NPAS3: variants seen among roughly 807,000 people sequenced by gnomAD.
NPAS3 encodes neuronal PAS domain protein 3.
In NPAS3, 14 loss-of-function variants were observed where a neutral mutation model predicts 73.1. The ratio of observed to expected loss-of-function variants is 0.19; its 90% CI spans 0.13 to 0.30. NPAS3 has a LOEUF of 0.30. NPAS3 is among the 10% of genes least tolerant of loss of function. The pLI, the probability that NPAS3 is intolerant of heterozygous loss-of-function variation, is 1.00. For missense variants in NPAS3, 1,096 were observed against 1,250.0 expected, an observed-to-expected ratio of 0.88 and a Z score of 1.86; for synonymous variants, 620 against 541.5, an observed-to-expected ratio of 1.14 and a Z score of -2.01.
rs138394658 is a variant in NPAS3, at chr14:33,524,658, C to T, written c.469-35463C>T. Among the ~76,000 whole-genome samples, 67 of 152,268 alleles carry T rather than the reference C, an allele frequency of 4.4e-4. 1 individual carries two copies. The highest frequency in any genetic ancestry group is 1.5e-3 in the African/African-American group (63 of 41,564). On this transcript the variant is annotated intron_variant, in intron 4 of 11. Transcript: ENST00000356141. Reference sequence around the variant, plus strand: ...AAAGTATCACAAACTGGTTGGCTTACACAACAGAAATGTGTTGTCTCAGAA... The same window carrying T: ...AAAGTATCACAAACTGGTTGGCTTATACAACAGAAATGTGTTGTCTCAGAA...
chr14:33,766,249 T>G (rs143509614), intron 7 of NPAS3, among the ~76,000 whole-genome samples: 327 of 152,312 alleles, frequency 2.1e-3, no homozygotes, highest in Middle Eastern at 6.8e-3. Context: ...GGCCTTGACT[T>G]CTTTCCTTTT....
At chr14:33,573,021 C>CAAAAAA (rs1172844613) in intron 5 of NPAS3, among the ~76,000 whole-genome samples, 1 of 61,588 alleles carries the variant, frequency 1.6e-5, no homozygotes, top group African/African-American at 5.9e-5. Context: ...GACTTCTTCT[C>CAAAAAA]AAAAAAAAAA....
chr14:33,607,959 C>T lies in NPAS3; in HGVS notation c.558+47749C>T, dbSNP rs902891765. The stretch of plus-strand genomic sequence containing the variant: ...TATCATGGGAATAGCGTGGGGGAAG[C>T]TGCCCCCATGATTCAGTTACCTCCC... On this transcript the variant is annotated intron_variant, in intron 5 of 11. Transcript: ENST00000356141. Among the ~76,000 whole-genome samples, 3 of 152,244 alleles carry T rather than the reference C, an allele frequency of 2.0e-5. No homozygotes were observed. The East Asian group carries it at 5.8e-4, about 30-fold the overall frequency.
At chr14:33,274,375 T>A (rs538733762) in intron 3 of NPAS3, among the ~76,000 whole-genome samples, 1 of 152,320 alleles carries the variant, frequency 6.6e-6, no homozygotes, top group South Asian at 2.1e-4. Flanking sequence ...TCCGTGAACA[T>A]GCTCTTTTCC....
chr14:33,263,123 A>G (rs1045880228), intron 3 of NPAS3, among the ~76,000 whole-genome samples: 2 of 152,128 alleles, frequency 1.3e-5, no homozygotes, highest in Non-Finnish European at 2.9e-5. Context: ...CTTTACTTTA[A>G]TTAGATCCCA....
chr14:33,306,743 C>T (rs899487143), intron 3 of NPAS3, among the ~76,000 whole-genome samples: 1 of 152,154 alleles, frequency 6.6e-6, no homozygotes, highest in Admixed American at 6.6e-5. Flanking sequence ...GCCCTTACAT[C>T]TATTAGAGTT....
At chr14:33,443,144 A>G (rs2049328729) in intron 4 of NPAS3, among the ~76,000 whole-genome samples, 4 of 152,208 alleles carry the variant, frequency 2.6e-5, no homozygotes, top group South Asian at 4.1e-4. Flanking sequence ...TGCATTGTTC[A>G]TAGTTATTAC....
At chr14:33,510,159 T>G (rs2052976757) in intron 4 of NPAS3, among the ~76,000 whole-genome samples, 1 of 152,084 alleles carries the variant, frequency 6.6e-6, no homozygotes, top group East Asian at 1.9e-4. Flanking sequence ...AAAAGCAGTT[T>G]GTTCTCTGCT....
chr14:33,572,075 A>G (rs1053425523), intron 5 of NPAS3, among the ~76,000 whole-genome samples: 2 of 152,204 alleles, frequency 1.3e-5, no homozygotes, highest in Non-Finnish European at 2.9e-5. Flanking sequence ...CACATAGTCA[A>G]TTCATATTTA....
chr14:33,276,697 A>C (rs545539670), intron 3 of NPAS3, among the ~76,000 whole-genome samples: 1 of 152,128 alleles, frequency 6.6e-6, no homozygotes, highest in Non-Finnish European at 1.5e-5. Flanking sequence ...TGAGGATCAA[A>C]GATAATGAAC....
chr14:33,488,757 G>T (rs937674907), intron 4 of NPAS3, among the ~76,000 whole-genome samples: 1 of 152,158 alleles, frequency 6.6e-6, no homozygotes, highest in Non-Finnish European at 1.5e-5. Context: ...CGCTGGCACA[G>T]TTCTGGGTGT....
intron 6 of NPAS3, among the ~76,000 whole-genome samples, chr14:33,677,830 G>A (rs1206515339): frequency 6.6e-6 from 1 of 152,210 alleles, no homozygotes; most frequent in Non-Finnish European, 1.5e-5. Flanking sequence ...AGGTGGGCAA[G>A]TGATATATTC....
At chr14:33,292,285 A>G (rs777898432) in intron 3 of NPAS3, among the ~76,000 whole-genome samples, 6 of 152,092 alleles carry the variant, frequency 3.9e-5, no homozygotes, top group Non-Finnish European at 8.8e-5. Context: ...CAGCCCCAGG[A>G]TATCATGGTC....
intron 4 of NPAS3, among the ~76,000 whole-genome samples, chr14:33,482,376 A>G (rs941042340): frequency 1.3e-5 from 2 of 152,174 alleles, no homozygotes; most frequent in Non-Finnish European, 2.9e-5. Context: ...TGATTAAACC[A>G]TCGTATATAC....
intron 3 of NPAS3, among the ~76,000 whole-genome samples, chr14:33,278,974 C>T (rs967192534): frequency 1.3e-4 from 15 of 119,082 alleles, no homozygotes; most frequent in African/African-American, 4.4e-4. Flanking sequence ...GTCAAACCCA[C>T]GAAATAACTA....
chr14:32,994,895 G>T (rs958563788), intron 1 of NPAS3, among the ~76,000 whole-genome samples: 12 of 152,136 alleles, frequency 7.9e-5, no homozygotes, highest in African/African-American at 2.9e-4. Context: ...GCCTTCCAAA[G>T]TGCTGGGATT....
chr14:33,308,564 AT>A (rs1320317767), intron 3 of NPAS3, among the ~76,000 whole-genome samples: 31 of 56,158 alleles, frequency 5.5e-4, no homozygotes, highest in Non-Finnish European at 8.1e-4. Context: ...ACATACATAC[AT>A]TATATATATG....
intron 3 of NPAS3, among the ~76,000 whole-genome samples, chr14:33,219,780 T>C (rs1356266816): frequency 6.6e-6 from 1 of 152,160 alleles, no homozygotes; most frequent in East Asian, 1.9e-4. Context: ...GTACTCAGAG[T>C]GACACTAAAC....
intron 4 of NPAS3, among the ~76,000 whole-genome samples, chr14:33,557,103 G>T (rs4982094): frequency 0.33 from 49,749 of 151,874 alleles, 9,987 homozygotes; most frequent in East Asian, 0.57. Flanking sequence ...AAGATATGTT[G>T]AAATTAGATC....
Sources: gnomAD v4.1 joint callset for allele counts (sites outside exome capture counted in the v4.1 genomes callset) on GRCh38, gnomAD v4.1.1 for gene constraint, MANE v1.5 for transcripts, NCBI Gene and HGNC (gene_info 2026-07-23, HGNC 2026-07-21) for gene names.